OR1F1: variants seen among roughly 807,000 people sequenced by gnomAD.
OR1F1 encodes the protein olfactory receptor family 1 subfamily F member 1.
For missense variants in OR1F1, 493 were observed against 376.3 expected, an observed-to-expected ratio of 1.31 and a Z score of -2.57; for synonymous variants, 184 against 156.7, an observed-to-expected ratio of 1.17 and a Z score of -1.30.
upstream of OR1F1, among the ~76,000 whole-genome samples, chr16:3,203,629 T>C (rs12921800): frequency 0.053 from 8,035 of 152,236 alleles, 459 homozygotes; most frequent in South Asian, 0.31. Context: ...CTGGGCGTGG[T>C]GGCACGTGCC....
At chr16:3,206,227 C>T (rs1958207634), downstream of OR1F1, among the ~76,000 whole-genome samples, 1 of 152,168 alleles carries the variant, frequency 6.6e-6, no homozygotes, top group East Asian at 1.9e-4. Flanking sequence ...AAAAACCCCA[C>T]CCTGGTGAAT....
chr16:3,191,397 C>T, the OR1F1 span: 2 of 152,122 alleles, frequency 1.3e-5, no homozygotes, highest in Admixed American at 6.6e-5. Flanking sequence ...TTGTAGGGGA[C>T]CCCCAGTGTG....
chr16:3,203,775 A>T (rs111518147), upstream of OR1F1, among the ~76,000 whole-genome samples: 417 of 152,266 alleles, frequency 2.7e-3, 3 homozygotes, highest in African/African-American at 9.6e-3. Context: ...AAAAGAAATA[A>T]AAAGAGTCAC....
the OR1F1 span, among the ~76,000 whole-genome samples, chr16:3,195,390 G>A: frequency 6.6e-6 from 1 of 151,434 alleles, no homozygotes; most frequent in Non-Finnish European, 1.5e-5. Flanking sequence ...CTTCAAATGC[G>A]GGCGTCCATC....
At chr16:3,193,746 C>T in the OR1F1 span, among the ~76,000 whole-genome samples, 3 of 152,230 alleles carry the variant, frequency 2.0e-5, no homozygotes, top group Admixed American at 6.5e-5. Context: ...TACAGGCGAG[C>T]GCAACCACAA....
chr16:3,192,288 C>T, the OR1F1 span, among the ~76,000 whole-genome samples: 1 of 152,160 alleles, frequency 6.6e-6, no homozygotes, highest in Non-Finnish European at 1.5e-5. Context: ...GATCTGACCT[C>T]GTGATCCGCC....
chr16:3,193,962 G>T, the OR1F1 span, among the ~76,000 whole-genome samples: 2 of 152,196 alleles, frequency 1.3e-5, no homozygotes, highest in Non-Finnish European at 2.9e-5. Context: ...CTAAGCCAGG[G>T]ATTGTGGGTT....
upstream of OR1F1, among the ~76,000 whole-genome samples, chr16:3,202,132 C>T (rs1289550889): frequency 3.3e-5 from 5 of 152,150 alleles, no homozygotes; most frequent in African/African-American, 1.2e-4. Flanking sequence ...CTCGCTTGTC[C>T]TGCATCAGTA....
At chr16:3,191,538 A>G in the OR1F1 span, among the ~76,000 whole-genome samples, 1 of 152,062 alleles carries the variant, frequency 6.6e-6, no homozygotes, top group Non-Finnish European at 1.5e-5. Flanking sequence ...GGGACTCTTA[A>G]TCTCAGGGTC....
chr16:3,199,115 C>CAAAAA, the OR1F1 span, among the ~76,000 whole-genome samples: 117 of 52,570 alleles, frequency 2.2e-3, 17 homozygotes, highest in Non-Finnish European at 3.2e-3. Context: ...CCTGTCTCTA[C>CAAAAA]AAAAAAAAAA....
At chr16:3,203,647 C>T (rs1238680047), upstream of OR1F1, among the ~76,000 whole-genome samples, 1 of 152,170 alleles carries the variant, frequency 6.6e-6, no homozygotes, top group Non-Finnish European at 1.5e-5. Flanking sequence ...GCCTATAATC[C>T]CAGCTACTTG....
At chr16:3,198,758 C>T in the OR1F1 span, among the ~76,000 whole-genome samples, 1 of 151,890 alleles carries the variant, frequency 6.6e-6, no homozygotes, top group East Asian at 1.9e-4. Context: ...AGAGGCGAGG[C>T]AGGAGGATCA....
At chr16:3,198,171 C>T in the OR1F1 span, among the ~76,000 whole-genome samples, 1 of 131,120 alleles carries the variant, frequency 7.6e-6, no homozygotes, top group Non-Finnish European at 1.6e-5. Flanking sequence ...GAGAGAGAGA[C>T]AGAGAGAGAG....
At chr16:3,201,201 C>T (rs547810012), upstream of OR1F1, among the ~76,000 whole-genome samples, 3 of 152,322 alleles carry the variant, frequency 2.0e-5, no homozygotes, top group African/African-American at 7.2e-5. Context: ...GGATCTACCA[C>T]ATTTTGTTTA....
At chr16:3,203,252 G>A (rs1190992583), upstream of OR1F1, among the ~76,000 whole-genome samples, 1 of 152,192 alleles carries the variant, frequency 6.6e-6, no homozygotes, top group Admixed American at 6.5e-5. Context: ...TGGCCATGGA[G>A]GCTCCTGTGA....
chr16:3,201,462 C>T (rs1357712125), upstream of OR1F1, among the ~76,000 whole-genome samples: 1 of 152,214 alleles, frequency 6.6e-6, no homozygotes. Flanking sequence ...AGTTTCTCTA[C>T]ATCCTTGCCA....
chr16:3,188,771 T>C, the OR1F1 span, among the ~76,000 whole-genome samples: 1 of 152,092 alleles, frequency 6.6e-6, no homozygotes, highest in African/African-American at 2.4e-5. Flanking sequence ...GAAATCTGGA[T>C]ACAGGGAAGG....
At chr16:3,194,275 G>C in the OR1F1 span, among the ~76,000 whole-genome samples, 1 of 152,092 alleles carries the variant, frequency 6.6e-6, no homozygotes, top group African/African-American at 2.4e-5. Flanking sequence ...TTTCTGTTTT[G>C]GTTTGTTTGT....
exon 1 of OR1F1, chr16:3,204,712 G>A: frequency 6.2e-7 from 1 of 1,614,090 alleles, no homozygotes; most frequent in Middle Eastern, 1.6e-4. Flanking sequence ...CAACCTGAAT[G>A]TCCTTCTGCA....
Sources: allele counts gnomAD v4.1 joint callset (sites outside exome capture counted in the v4.1 genomes callset), GRCh38; gene constraint gnomAD v4.1.1; transcripts MANE v1.5; gene names NCBI Gene and HGNC (gene_info 2026-07-23, HGNC 2026-07-21).